The following CARMIL1 variants were observed in gnomAD, a reference collection of about 807,000 sequenced individuals.
CARMIL1 encodes capping protein regulator and myosin 1 linker 1.
A neutral mutation model predicts 177.1 loss-of-function variants in CARMIL1; 90 were observed. The observed-to-expected ratio is 0.51, with a 90% CI of 0.43 to 0.61. The LOEUF is 0.61. Among genes scored for constraint, CARMIL1 ranks in the 20% least tolerant of loss-of-function variants. The pLI, the probability that CARMIL1 is intolerant of heterozygous loss-of-function variation, is 0.00. For missense variants in CARMIL1, 1,380 were observed against 1,667.0 expected, an observed-to-expected ratio of 0.83 and a Z score of 3.00; for synonymous variants, 577 against 606.2, an observed-to-expected ratio of 0.95 and a Z score of 0.71.
intron 24 of CARMIL1, among the ~76,000 whole-genome samples, chr6:25,537,653 G>A (rs1251716368): frequency 6.6e-6 from 1 of 152,190 alleles, no homozygotes; most frequent in East Asian, 1.9e-4. Flanking sequence ...GTTGCCAAAG[G>A]TTACTTGCAT....
chr6:25,499,748 G>T (rs16890663), intron 16 of CARMIL1, among the ~76,000 whole-genome samples: 1 of 152,102 alleles, frequency 6.6e-6, no homozygotes, highest in African/African-American at 2.4e-5. Flanking sequence ...ATTCCTTAGG[G>T]AAAACTAGCT....
At chr6:25,431,490 A>G (rs1796785877) in intron 4 of CARMIL1, among the ~76,000 whole-genome samples, 1 of 151,964 alleles carries the variant, frequency 6.6e-6, no homozygotes, top group South Asian at 2.1e-4. Flanking sequence ...ATGGTCAAAC[A>G]TATGCAGGAG....
intron 2 of CARMIL1, among the ~76,000 whole-genome samples, chr6:25,374,376 T>C (rs1790769495): frequency 6.6e-6 from 1 of 152,238 alleles, no homozygotes; most frequent in Non-Finnish European, 1.5e-5. Context: ...TATTCCACTG[T>C]GGTCTGAGAA....
At chr6:25,477,874 G>A (rs75099579) in intron 11 of CARMIL1, among the ~76,000 whole-genome samples, 22 of 24,800 alleles carry the variant, frequency 8.9e-4, no homozygotes, top group African/African-American at 3.2e-3. Flanking sequence ...TTTTTTTTTT[G>A]AGACAAGGTC....
At chr6:25,296,856 A>G (rs988100525) in intron 2 of CARMIL1, among the ~76,000 whole-genome samples, 8 of 152,312 alleles carry the variant, frequency 5.3e-5, no homozygotes, top group Admixed American at 5.2e-4. Context: ...TGGCACTTAG[A>G]GTATTCCAGC....
At chr6:25,280,247 T>C (rs1170426117) in intron 1 of CARMIL1, among the ~76,000 whole-genome samples, 1 of 152,122 alleles carries the variant, frequency 6.6e-6, no homozygotes, top group Non-Finnish European at 1.5e-5. Context: ...GGAAAGCCTA[T>C]TGGAAGGACA....
At chr6:25,563,139 A>G in intron 29 of CARMIL1, 1 of 691,122 alleles carries the variant, frequency 1.4e-6, no homozygotes, top group Non-Finnish European at 1.8e-6. Flanking sequence ...TGGGTATAGT[A>G]CAGTAGAGCC....
chr6:25,384,358 C>T (rs12205097), intron 2 of CARMIL1, among the ~76,000 whole-genome samples: 1 of 152,212 alleles, frequency 6.6e-6, no homozygotes, highest in Non-Finnish European at 1.5e-5. Flanking sequence ...TAGCCAGCAC[C>T]TGTGTCAAAG....
intron 2 of CARMIL1, among the ~76,000 whole-genome samples, chr6:25,391,797 G>A (rs1361917461): frequency 1.3e-5 from 2 of 152,172 alleles, no homozygotes; most frequent in African/African-American, 4.8e-5. Context: ...ATTGTCCAAG[G>A]TCACATGGCT....
At chr6:25,316,933 CAG>C (rs930701301) in intron 2 of CARMIL1, among the ~76,000 whole-genome samples, 2 of 152,176 alleles carry the variant, frequency 1.3e-5, no homozygotes, top group African/African-American at 4.8e-5. Flanking sequence ...ACTTCTGTCT[CAG>C]AGCTGTCTTT....
chr6:25,449,799 C>A, intron 5 of CARMIL1, 99 bp from the exon 6 acceptor site: 1 of 649,170 alleles, frequency 1.5e-6, no homozygotes. Flanking sequence ...TGAAGTGACC[C>A]TCATCTTTGT....
intron 25 of CARMIL1, among the ~76,000 whole-genome samples, chr6:25,539,435 T>C (rs1808665664): frequency 6.6e-6 from 1 of 151,736 alleles, no homozygotes; most frequent in African/African-American, 2.4e-5. Context: ...TAAAAGCAGC[T>C]CAACTTTCAT....
intron 8 of CARMIL1, among the ~76,000 whole-genome samples, chr6:25,459,004 A>T (rs1799771663): frequency 6.6e-6 from 1 of 152,118 alleles, no homozygotes; most frequent in Non-Finnish European, 1.5e-5. Context: ...AGAAAAATAA[A>T]GTTAGAAAAT....
intron 11 of CARMIL1, among the ~76,000 whole-genome samples, chr6:25,475,095 G>A (rs1014661020): frequency 2.0e-5 from 3 of 152,230 alleles, no homozygotes; most frequent in South Asian, 2.1e-4. Context: ...TGCAAAACAT[G>A]TTAGATAGTT....
At chr6:25,449,751 A>G in intron 5 of CARMIL1, 147 bp from the exon 6 acceptor site, 1 of 536,636 alleles carries the variant, frequency 1.9e-6, no homozygotes. Context: ...TAGTGCTCAA[A>G]AAAATTGAAA....
chr6:25,605,611 C>T (rs746119020), intron 34 of CARMIL1, among the ~76,000 whole-genome samples: 15 of 152,168 alleles, frequency 9.9e-5, no homozygotes, highest in South Asian at 2.1e-4. Flanking sequence ...AGATTGCAGC[C>T]GTCAGCATCA....
chr6:25,390,322 T>TATGTA (rs1562073889), intron 2 of CARMIL1, among the ~76,000 whole-genome samples: 13 of 72,642 alleles, frequency 1.8e-4, no homozygotes, highest in African/African-American at 5.7e-4. Flanking sequence ...ATATATATAT[T>TATGTA]TTTTTTTTTT....
intron 2 of CARMIL1, among the ~76,000 whole-genome samples, chr6:25,329,523 A>G (rs1489038521): frequency 6.6e-6 from 1 of 152,232 alleles, no homozygotes; most frequent in Non-Finnish European, 1.5e-5. Context: ...TCAGGACATG[A>G]CACATTCAGA....
At chr6:25,452,161 T>C (rs1799030071) in intron 8 of CARMIL1, 2 of 764,874 alleles carry the variant, frequency 2.6e-6, no homozygotes, top group Non-Finnish European at 4.8e-6. Context: ...CGGAAGATGG[T>C]GAAGCAGGCT....
Sources: gnomAD v4.1 joint callset for allele counts (sites outside exome capture counted in the v4.1 genomes callset) on GRCh38, gnomAD v4.1.1 for gene constraint, MANE v1.5 for transcripts, NCBI Gene and HGNC (gene_info 2026-07-23, HGNC 2026-07-21) for gene names.